Variants in COL22A1 observed in about 807,000 individuals in gnomAD.
COL22A1 encodes the protein collagen type XXII alpha 1 chain, also known as collagen alpha-1(XXII) chain.
Under a neutral mutation model 248.9 loss-of-function variants are expected in COL22A1, and 221 were observed. The observed-to-expected ratio is 0.89, with a 90% CI of 0.80 to 0.99. COL22A1 has a LOEUF of 0.99. Ranked by LOEUF, COL22A1 falls within the 50% of genes least tolerant of loss-of-function variation. The probability of loss-of-function intolerance (pLI) is 0.00; values close to 1 mark genes in which losing one functional copy is unlikely to be tolerated. For synonymous variants in COL22A1, 891 were observed against 793.4 expected (o/e 1.12, Z -2.07); for missense variants, 2,240 against 2,179.0 (o/e 1.03, Z -0.56).
chr8:138,643,251 C>CG (rs1164386828), intron 47 of COL22A1, among the ~76,000 whole-genome samples: 2 of 152,108 alleles, frequency 1.3e-5, no homozygotes, highest in Non-Finnish European at 2.9e-5. Context: ...AACACTGCCC[C>CG]GGGCAAATCT....
intron 1 of COL22A1, among the ~76,000 whole-genome samples, chr8:138,892,788 C>T (rs1032444537): frequency 2.0e-5 from 3 of 152,190 alleles, no homozygotes; most frequent in Non-Finnish European, 2.9e-5. Context: ...AAATGAGATT[C>T]GGCAGATTGC....
intron 25 of COL22A1, 105 bp from the exon 26 acceptor site, chr8:138,722,194 G>A (rs1361814406): frequency 2.1e-5 from 19 of 917,268 alleles, no homozygotes; most frequent in Non-Finnish European, 3.2e-5. Context: ...CAGAATGCAG[G>A]AGGCTCGGGC....
chr8:138,751,478 G>C lies in COL22A1; in HGVS notation c.2065C>G (p.Pro689Ala). 1.2e-6 allele frequency: 2 copies of C among 1,612,834 alleles called. No individual in the cohort carries two copies. The highest frequency in any genetic ancestry group is 1.7e-6 in the Non-Finnish European group (2 of 1,179,326). ...CTTACTCGGAGACCTTGCAAACCAG[G>C]AGGTCCATCCCTGCCTTCTGGGCCT... is the stretch of plus-strand genomic sequence containing the variant. ...PIGPEGRDGPPGLQGLRGKKG... is the reference protein window; with the variant it reads ...PIGPEGRDGPAGLQGLRGKKG... The change falls in exon 22 of 65, where the codon CCT (proline) becomes GCT (alanine). Residue 689 changes from proline to alanine, a missense_variant. Transcript: ENST00000303045.
chr8:138,888,369 G>A (rs1824819771), intron 1 of COL22A1, among the ~76,000 whole-genome samples: 1 of 152,132 alleles, frequency 6.6e-6, no homozygotes, highest in African/African-American at 2.4e-5. Context: ...TCCTTCCAAG[G>A]TGAGTTTGGA....
chr8:138,632,667 C>G (rs1312271892), intron 49 of COL22A1, among the ~76,000 whole-genome samples: 2 of 152,092 alleles, frequency 1.3e-5, no homozygotes, highest in East Asian at 3.9e-4. Flanking sequence ...TTTGATATAA[C>G]TGTAGAAGAC....
chr8:138,765,792 G>C (rs1035379303), intron 16 of COL22A1, among the ~76,000 whole-genome samples: 2 of 152,228 alleles, frequency 1.3e-5, no homozygotes, highest in East Asian at 1.9e-4. Flanking sequence ...GAGAGAGAAA[G>C]AGTGAAGCTG....
chr8:138,906,174 T>A (rs1814991603), intron 1 of COL22A1, among the ~76,000 whole-genome samples: 1 of 151,886 alleles, frequency 6.6e-6, no homozygotes. Context: ...ATTGAGACCA[T>A]CCTGGCTGAC....
rs191459866 is a variant in COL22A1 at position 138,659,612 on chromosome 8, C to T, written c.3285+824G>A. Among the ~76,000 whole-genome samples, 372 of 152,334 alleles carry T rather than the reference C, an allele frequency of 2.4e-3. 6 individuals are homozygous for T. Among genetic ancestry groups the T allele is most frequent in the Admixed American group, 0.022 (342 of 15,310 alleles). On this transcript the variant is annotated intron_variant, in intron 44 of 64. Coordinates refer to ENST00000303045, the MANE Select transcript of COL22A1 (RefSeq NM_152888.3). Reference sequence around the variant, plus strand: ...GCTGCCTCCCACTCTCTCAGGCCAGCACATCCCCACTGCTCCTTCCCTAGA... The same window carrying T: ...GCTGCCTCCCACTCTCTCAGGCCAGTACATCCCCACTGCTCCTTCCCTAGA...
intron 1 of COL22A1, among the ~76,000 whole-genome samples, chr8:138,909,880 T>G (rs550889679): frequency 6.6e-6 from 1 of 152,326 alleles, no homozygotes; most frequent in African/African-American, 2.4e-5. Context: ...CAATAAGTCC[T>G]GAGAACCATC....
chr8:138,622,831 G>A (rs1410127139), intron 52 of COL22A1, among the ~76,000 whole-genome samples: 1 of 151,902 alleles, frequency 6.6e-6, no homozygotes, highest in Non-Finnish European at 1.5e-5. Flanking sequence ...GTATTCTATG[G>A]GGTGGACAGC....
At chr8:138,639,940 A>T (rs1237989297) in intron 47 of COL22A1, among the ~76,000 whole-genome samples, 1 of 152,242 alleles carries the variant, frequency 6.6e-6, no homozygotes, top group Non-Finnish European at 1.5e-5. Flanking sequence ...TAATACAGAC[A>T]CATAGACGGC....
At chr8:138,611,676 G>A (rs1245242949) in intron 56 of COL22A1, among the ~76,000 whole-genome samples, 1 of 152,190 alleles carries the variant, frequency 6.6e-6, no homozygotes, top group East Asian at 1.9e-4. Flanking sequence ...TTTTCCCCGT[G>A]GGGTTGATAT....
At chr8:138,652,028 C>T (rs117534066) in intron 45 of COL22A1, among the ~76,000 whole-genome samples, 1,649 of 152,210 alleles carry the variant, frequency 0.011, 18 homozygotes, top group Non-Finnish European at 0.017. Flanking sequence ...AGACTCAACT[C>T]ACTGACCCAG....
Position 138,662,871 on chromosome 8 carries a change from C to G in COL22A1, c.3187-788G>C, listed in dbSNP as rs113569715. 5.2e-3 allele frequency among the ~76,000 whole-genome samples: 794 copies of G among 152,288 alleles called. 11 individuals are homozygous for G. Among genetic ancestry groups the G allele is most frequent in the African/African-American group, 0.018 (757 of 41,574 alleles). On this transcript the variant is annotated intron_variant, in intron 42 of 64. Coordinates refer to ENST00000303045, the MANE Select transcript of COL22A1 (RefSeq NM_152888.3). The stretch of plus-strand genomic sequence containing the variant: ...GTATAAGGAGCCCTGTAGCCCTGTG[C>G]TGGGCATGGTGGCTCCCACCTGTAA...
At chr8:138,704,977 GATGCATGCCC>G (rs946494892) in intron 30 of COL22A1, among the ~76,000 whole-genome samples, 25 of 152,302 alleles carry the variant, frequency 1.6e-4, no homozygotes, top group African/African-American at 5.5e-4. Flanking sequence ...AGAACTACGT[GATGCATGCCC>G]AAGCTTCAGT....
At chr8:138,774,581 G>A (rs1814235202) in intron 16 of COL22A1, among the ~76,000 whole-genome samples, 1 of 152,008 alleles carries the variant, frequency 6.6e-6, no homozygotes, top group South Asian at 2.1e-4. Flanking sequence ...ACCAAGCCCG[G>A]CTAATTTTTG....
At chr8:138,901,761 C>T (rs1342755503) in intron 1 of COL22A1, among the ~76,000 whole-genome samples, 1 of 152,010 alleles carries the variant, frequency 6.6e-6, no homozygotes, top group Non-Finnish European at 1.5e-5. Flanking sequence ...CCCCTCATTG[C>T]CTTTGGATAA....
intron 3 of COL22A1, among the ~76,000 whole-genome samples, chr8:138,861,218 T>C (rs962809689): frequency 3.9e-5 from 6 of 152,184 alleles, no homozygotes; most frequent in African/African-American, 1.4e-4. Flanking sequence ...TCCTGGGTCT[T>C]GAGCAGACCA....
chr8:138,824,292 G>A (rs1382314477), intron 6 of COL22A1, among the ~76,000 whole-genome samples: 1 of 152,160 alleles, frequency 6.6e-6, no homozygotes, highest in African/African-American at 2.4e-5. Flanking sequence ...CCAGCAGTCC[G>A]ATGTCTTGTG....
Sources: gnomAD v4.1 joint callset for allele counts (sites outside exome capture counted in the v4.1 genomes callset) on GRCh38, gnomAD v4.1.1 for gene constraint, MANE v1.5 for transcripts, NCBI Gene and HGNC (gene_info 2026-07-23, HGNC 2026-07-21) for gene names.